The following TNPO3 variants were observed in gnomAD, a reference collection of about 807,000 sequenced individuals.
TNPO3 encodes transportin-3.
In TNPO3, 65 loss-of-function variants were observed where a neutral mutation model predicts 122.8. The observed-to-expected ratio is 0.53, with a 90% CI of 0.43 to 0.65. The LOEUF is 0.65. Among genes scored for constraint, TNPO3 ranks in the 30% least tolerant of loss-of-function variants. The pLI is 0.00. For synonymous variants in TNPO3, 372 were observed against 411.2 expected (o/e 0.90, Z 1.15); for missense variants, 850 against 1,136.7 (o/e 0.75, Z 3.63).
Position 128,955,111 on chromosome 7 carries a change from A to T in TNPO3, c.*306T>A. The T allele has an allele frequency of 6.2e-6, 2 of 320,564 alleles. No individual in the cohort carries two copies. Among genetic ancestry groups the T allele is most frequent in the Non-Finnish European group, 1.2e-5 (2 of 164,776 alleles). The allele number at this position is 320,564 out of a possible 1,614,324, so 19.9% of individuals were successfully genotyped here. ...CCTTTTTTTTCTTTTTTCTTTACTT[A>T]AAATTATTTTTCCTTTTAGAAAGTT... On this transcript the variant is annotated 3_prime_UTR_variant, in exon 23 of 23. Coordinates refer to ENST00000265388, the MANE Select transcript of TNPO3 (RefSeq NM_012470.4).
At chr7:129,013,434 C>CAA (rs3993440) in intron 4 of TNPO3, among the ~76,000 whole-genome samples, 8 of 127,742 alleles carry the variant, frequency 6.3e-5, no homozygotes, top group Middle Eastern at 4.0e-3. Context: ...CAAATAATAG[C>CAA]AAAAAAAAAA....
At chr7:128,977,907 A>T (rs1416497687) in intron 16 of TNPO3, among the ~76,000 whole-genome samples, 1 of 152,130 alleles carries the variant, frequency 6.6e-6, no homozygotes, top group East Asian at 1.9e-4. Flanking sequence ...GGGGGAACTC[A>T]TTCTTAAGGC....
rs775433249 is a variant in TNPO3 at position 128,957,238 on chromosome 7, C to A, written c.*17G>T. 1.2e-6 allele frequency: 2 copies of A among 1,613,962 alleles called. No individual in the cohort carries two copies. Among genetic ancestry groups the A allele is most frequent in the Admixed American group, 3.3e-5 (2 of 60,018 alleles). On this transcript the variant is annotated 3_prime_UTR_variant, in exon 22 of 23. Coordinates refer to ENST00000265388, the MANE Select transcript of TNPO3 (RefSeq NM_012470.4). The stretch of plus-strand genomic sequence containing the variant: ...TGTATCCTCACCTGGGTGACAGGCA[C>A]AGTGCAGGAGTGTGAGCTATCGAAA...
intron 8 of TNPO3, 72 bp downstream of exon 8, chr7:128,997,317 T>G: frequency 5.1e-6 from 8 of 1,561,236 alleles, no homozygotes; most frequent in Non-Finnish European, 7.0e-6. Flanking sequence ...ATCTATCTTC[T>G]CAGTTCCTTT....
chr7:129,004,994 G>A, intron 5 of TNPO3, 22 bp downstream of exon 5: 1 of 1,590,254 alleles, frequency 6.3e-7, no homozygotes. Flanking sequence ...GAAATACTTT[G>A]ATAAATAAGG....
chr7:129,027,572 AAAAAAAAAAAAAAAAAAAAC>A (rs1190058271), intron 1 of TNPO3, among the ~76,000 whole-genome samples: 24 of 135,276 alleles, frequency 1.8e-4, no homozygotes, highest in African/African-American at 4.0e-4. Context: ...AAAAAAAAAA[AAAAAAAAAAAAAAAAAAAAC>A]AACACAAAAA....
In TNPO3 at chr7:128,997,319, A is replaced by G. The variant is rs946258401; in HGVS notation, c.1158+70T>C. 3 of 1,562,648 alleles carry G rather than the reference A, an allele frequency of 1.9e-6. No homozygotes were observed. The African/African-American group carries it at 4.1e-5, about 21-fold the overall frequency. On this transcript the variant is annotated intron_variant, in intron 8 of 22. Transcript: ENST00000265388. The stretch of plus-strand genomic sequence containing the variant: ...AGCCAGGTTTATTATCTATCTTCTC[A>G]GTTCCTTTTCAAGTTGGCACTGACA...
intron 1 of TNPO3, among the ~76,000 whole-genome samples, chr7:129,047,244 A>G (rs1808165236): frequency 6.6e-6 from 1 of 152,158 alleles, no homozygotes; most frequent in African/African-American, 2.4e-5. Flanking sequence ...GTTATCTCCT[A>G]CTTACAACTT....
upstream of TNPO3, chr7:129,055,769 TC>T (rs369923229): frequency 1.5e-3 from 572 of 384,082 alleles, 1 homozygote; most frequent in African/African-American, 0.011. Context: ...GTCTAACAAT[TC>T]ACAAAAGAAA....
rs766797949 is a variant in TNPO3 at position 128,957,282 on chromosome 7, C to T, written c.2745G>A (p.Leu915=). Residue 915 remains leucine, a synonymous_variant, in exon 22 of 23, where the codon TTG becomes TTA. Transcript: ENST00000265388. ...AEECKQVCWA[L]RDFTRLFR ...ATCGAAACAACCTGGTGAAGTCTCGCAAGGCCCAGCAAACTTGTTTACATT... is the reference window on the plus strand; with the variant it reads ...ATCGAAACAACCTGGTGAAGTCTCGTAAGGCCCAGCAAACTTGTTTACATT... 1.2e-6 allele frequency: 2 copies of T among 1,614,010 alleles called. No individual in the cohort carries two copies. The highest frequency in any genetic ancestry group is 1.3e-5 in the African/African-American group (1 of 74,944).
Position 128,972,510 on chromosome 7 carries a change from G to A in TNPO3, c.2346C>T (p.Ala782=), listed in dbSNP as rs780213802. The part of the protein sequence containing the change: ...VVIPILQWAI[A]STTLDHRDAN... ...CATCCCGGTGGTCCAGGGTAGTAGA[G>A]GCAATGGCCCACTGTAAGATAGGGA... The change falls in exon 19 of 23, where the codon GCC becomes GCT. Residue 782 remains alanine, a synonymous_variant. Transcript: ENST00000265388. 1.2e-6 allele frequency: 2 copies of A among 1,613,952 alleles called. No homozygotes were observed. Among genetic ancestry groups the A allele is most frequent in the East Asian group, 2.2e-5 (1 of 44,874 alleles).
chr7:128,983,191 T>C (rs185401417), intron 13 of TNPO3, among the ~76,000 whole-genome samples: 1 of 152,206 alleles, frequency 6.6e-6, no homozygotes, highest in Admixed American at 6.5e-5. Flanking sequence ...ATGGAGATCA[T>C]AAGACCAATC....
intron 17 of TNPO3, among the ~76,000 whole-genome samples, chr7:128,975,339 A>G (rs1798942792): frequency 6.6e-6 from 1 of 152,230 alleles, no homozygotes; most frequent in Non-Finnish European, 1.5e-5. Flanking sequence ...ATGAAAAGAC[A>G]TCTTGGGAAA....
intron 1 of TNPO3, among the ~76,000 whole-genome samples, chr7:129,023,743 G>C (rs1320118749): frequency 1.3e-5 from 2 of 152,096 alleles, no homozygotes; most frequent in Non-Finnish European, 2.9e-5. Context: ...ATCTTACAAG[G>C]GTAAAAATCA....
intron 22 of TNPO3, among the ~76,000 whole-genome samples, chr7:128,956,806 TA>T (rs1796942057): frequency 6.6e-6 from 1 of 152,216 alleles, no homozygotes; most frequent in Admixed American, 6.5e-5. Flanking sequence ...CTTTGCTCAT[TA>T]CATCTGGAGG....
At chr7:129,045,296 CAAT>C (rs1283961106) in intron 1 of TNPO3, among the ~76,000 whole-genome samples, 2 of 152,056 alleles carry the variant, frequency 1.3e-5, no homozygotes, top group Non-Finnish European at 2.9e-5. Flanking sequence ...GGTTGCACAA[CAAT>C]GTCAATGTAT....
chr7:128,975,712 G>C (rs554163987), intron 17 of TNPO3, 107 bp downstream of exon 17: 9 of 729,128 alleles, frequency 1.2e-5, no homozygotes, highest in Non-Finnish European at 1.9e-5. Context: ...ACATGCCTGG[G>C]GGAAAACATA....
chr7:129,026,394 A>AT (rs969403916), intron 1 of TNPO3, among the ~76,000 whole-genome samples: 13,621 of 94,646 alleles, frequency 0.14, 1,111 homozygotes, highest in African/African-American at 0.24. Flanking sequence ...TGACGTTTGA[A>AT]TTTTTTTTTT....
In TNPO3 at chr7:128,997,605, C is replaced by T. The variant is rs1801469320; in HGVS notation, c.1012-70G>A. On this transcript the variant is annotated intron_variant, in intron 7 of 22. Transcript: ENST00000265388. Reference sequence around the variant, plus strand: ...GAATAAGAAGACATTTTATTATCACCACGACCATATAGGAAGAAAGATATA... The same window carrying T: ...GAATAAGAAGACATTTTATTATCACTACGACCATATAGGAAGAAAGATATA... 10 of 1,311,166 alleles carry T rather than the reference C, an allele frequency of 7.6e-6. No homozygotes were observed. The Admixed American group carries it at 1.9e-4, about 25-fold the overall frequency. 81.2% of individuals were successfully genotyped at this position (1,311,166 alleles called of 1,614,324 possible). A position where few individuals can be genotyped will look rare whatever the true frequency, so the allele number is the denominator to read the frequency against.
Sources: gnomAD v4.1 joint callset for allele counts (sites outside exome capture counted in the v4.1 genomes callset) on GRCh38, gnomAD v4.1.1 for gene constraint, MANE v1.5 for transcripts, NCBI Gene and HGNC (gene_info 2026-07-23, HGNC 2026-07-21) for gene names.